The following ACTN2 variants were observed in gnomAD, a reference collection of about 807,000 sequenced individuals.
ACTN2 encodes the protein actinin alpha 2.
Under a neutral mutation model 113.8 loss-of-function variants are expected in ACTN2, and 39 were observed. The observed-to-expected ratio is 0.34, with a 90% CI of 0.27 to 0.45. The LOEUF (loss-of-function observed/expected upper bound fraction) is 0.45. Ranked by LOEUF, ACTN2 falls within the 20% of genes least tolerant of loss-of-function variation. The pLI is 1.00. For missense variants in ACTN2, 992 were observed against 1,177.9 expected (o/e 0.84, Z 2.31); for synonymous variants, 429 against 444.1 (o/e 0.97, Z 0.43).
chr1:236,758,838 C>A (rs1659625348), intron 18 of ACTN2, among the ~76,000 whole-genome samples: 1 of 152,086 alleles, frequency 6.6e-6, no homozygotes, highest in South Asian at 2.1e-4. Context: ...CCAGGCTGGT[C>A]TTGAACTCCT....
At chr1:236,704,134 C>A (rs542018477) in intron 1 of ACTN2, among the ~76,000 whole-genome samples, 8 of 152,246 alleles carry the variant, frequency 5.3e-5, no homozygotes, top group African/African-American at 1.9e-4. Flanking sequence ...TTAAGACAGT[C>A]GTTAGTTTCA....
intron 13 of ACTN2, among the ~76,000 whole-genome samples, chr1:236,748,347 T>C (rs1659297794): frequency 6.6e-6 from 1 of 152,102 alleles, no homozygotes; most frequent in African/African-American, 2.4e-5. Context: ...ATGATACTTT[T>C]GAGATAACCC....
intron 14 of ACTN2, among the ~76,000 whole-genome samples, chr1:236,750,523 T>A (rs1659364730): frequency 6.6e-6 from 1 of 152,192 alleles, no homozygotes; most frequent in African/African-American, 2.4e-5. Flanking sequence ...AGCTGACCTG[T>A]TGCTGCACCT....
intron 6 of ACTN2, 146 bp downstream of exon 6, chr1:236,727,902 C>G: frequency 1.3e-6 from 1 of 761,206 alleles, no homozygotes; most frequent in South Asian, 1.5e-5. Flanking sequence ...TCCCAGCTAG[C>G]CTTTCCCATG....
chr1:236,699,105 A>T (rs529108449), intron 1 of ACTN2, among the ~76,000 whole-genome samples: 1 of 152,318 alleles, frequency 6.6e-6, no homozygotes, highest in East Asian at 1.9e-4. Flanking sequence ...TTTCAGATCC[A>T]GGCTGCTTAA....
At position 236,686,543 on chromosome 1, in the gene ACTN2, C is replaced by T. The variant is rs1665871416; in HGVS notation, c.-131C>T. 2 of 1,126,846 alleles carry T rather than the reference C, an allele frequency of 1.8e-6. No homozygotes were observed. Among genetic ancestry groups the T allele is most frequent in the Non-Finnish European group, 2.3e-6 (2 of 875,936 alleles). The allele number at this position is 1,126,846 out of a possible 1,614,324, so 69.8% of individuals were successfully genotyped here. On this transcript the variant is annotated 5_prime_UTR_variant, in exon 1 of 21. Transcript: ENST00000366578. The stretch of plus-strand genomic sequence containing the variant: ...AGACCCAGCGCCCAGGCGTGTCGCC[C>T]CGAGAGGAGCCGCGCGAAGGTCACC...
At chr1:236,700,803 AG>A (rs1272339593) in intron 1 of ACTN2, among the ~76,000 whole-genome samples, 1 of 152,212 alleles carries the variant, frequency 6.6e-6, no homozygotes, top group Non-Finnish European at 1.5e-5. Flanking sequence ...CGTCTTGCCA[AG>A]ACTGCTTCCG....
At chr1:236,753,680 C>T (rs1659466237) in intron 15 of ACTN2, among the ~76,000 whole-genome samples, 1 of 152,130 alleles carries the variant, frequency 6.6e-6, no homozygotes, top group Non-Finnish European at 1.5e-5. Context: ...CTAATGCAGG[C>T]TCTTAAATAC....
At chr1:236,760,665 A>C (rs1572151596) in intron 19 of ACTN2, among the ~76,000 whole-genome samples, 1 of 152,232 alleles carries the variant, frequency 6.6e-6, no homozygotes, top group Non-Finnish European at 1.5e-5. Flanking sequence ...GTTTGGCAGC[A>C]TCGCTTTCCT....
chr1:236,760,743 C>T (rs116724500), intron 19 of ACTN2, among the ~76,000 whole-genome samples: 478 of 152,268 alleles, frequency 3.1e-3, no homozygotes, highest in Non-Finnish European at 5.5e-3. Flanking sequence ...GTCACGTGAC[C>T]CATCAAGGCC....
At chr1:236,725,287 G>T (rs1266773655) in intron 4 of ACTN2, among the ~76,000 whole-genome samples, 1 of 152,106 alleles carries the variant, frequency 6.6e-6, no homozygotes. Context: ...CCGAATAATA[G>T]GTGCCCCCAG....
At chr1:236,721,793 T>C (rs931193123) in intron 4 of ACTN2, among the ~76,000 whole-genome samples, 2 of 152,238 alleles carry the variant, frequency 1.3e-5, no homozygotes, top group African/African-American at 4.8e-5. Flanking sequence ...AAATCCTTTT[T>C]CCACAAATAT....
Position 236,742,939 on chromosome 1 carries a change from G to A in ACTN2, c.1151G>A (p.Gly384Asp). ...CAGAGGCTGGAGCAGGCTGAGAAGGGTTACGAGGAGTGGTTGCTCAATGAG... is the reference window on the plus strand; with the variant it reads ...CAGAGGCTGGAGCAGGCTGAGAAGGATTACGAGGAGTGGTTGCTCAATGAG... ...AWQRLEQAEKGYEEWLLNEIR... is the reference protein window; with the variant it reads ...AWQRLEQAEKDYEEWLLNEIR... The change falls in exon 11 of 21, where the codon GGT becomes GAT. Residue 384 changes from glycine to aspartate, a missense_variant. Around this residue, in one of 3 missense-constraint regions of ACTN2, gnomAD observed 736 missense variants for 815.4 expected, o/e 0.90. Transcript: ENST00000366578. The A allele has an allele frequency of 6.2e-7, 1 of 1,614,196 alleles. No homozygotes were observed.
chr1:236,728,674 C>T (rs1208342302), intron 6 of ACTN2, among the ~76,000 whole-genome samples: 2 of 151,924 alleles, frequency 1.3e-5, no homozygotes. Flanking sequence ...TGCAATTCTG[C>T]CTTTAAGGTA....
In ACTN2 at chr1:236,747,693, A is replaced by G. The variant is rs753244692; in HGVS notation, c.1433A>G (p.Asn478Ser). The G allele has an allele frequency of 2.5e-6, 4 of 1,614,162 alleles. No homozygotes were observed. Among genetic ancestry groups the G allele is most frequent in the Non-Finnish European group, 3.4e-6 (4 of 1,179,980 alleles). ...LNELDYHDAV[N>S]VNDRCQKICD... ...GAACTGGACTATCACGACGCTGTGAATGTCAATGATCGGTGCCAGAAAATT... is the reference window on the plus strand; with the variant it reads ...GAACTGGACTATCACGACGCTGTGAGTGTCAATGATCGGTGCCAGAAAATT... Residue 478 changes from asparagine to serine, a missense_variant, in exon 13 of 21, where the codon AAT (asparagine) becomes AGT (serine). Around this residue, in one of 3 missense-constraint regions of ACTN2, gnomAD observed 736 missense variants for 815.4 expected, o/e 0.90. Transcript: ENST00000366578.
chr1:236,742,828 C>T (rs930700884), intron 10 of ACTN2, 68 bp from the exon 11 acceptor site: 2 of 1,599,646 alleles, frequency 1.3e-6, no homozygotes, highest in Non-Finnish European at 8.6e-7. Flanking sequence ...TAGAAGAAGC[C>T]TGAGAGGCCA....
chr1:236,713,295 T>G (rs886973589), intron 1 of ACTN2, among the ~76,000 whole-genome samples: 1 of 152,058 alleles, frequency 6.6e-6, no homozygotes. Context: ...TGGCACGATC[T>G]TGGCTCACTG....
chr1:236,700,629 G>C (rs563267491), intron 1 of ACTN2, among the ~76,000 whole-genome samples: 1 of 152,132 alleles, frequency 6.6e-6, no homozygotes, highest in Non-Finnish European at 1.5e-5. Context: ...TTACTGCTTC[G>C]AGTGATAAGC....
intron 8 of ACTN2, 54 bp downstream of exon 8, chr1:236,735,774 T>C: frequency 6.9e-7 from 1 of 1,444,278 alleles, no homozygotes; most frequent in East Asian, 2.3e-5. Context: ...TGGTTTTAGT[T>C]GTGTGTGCAT....
Sources: allele counts gnomAD v4.1 joint callset (sites outside exome capture counted in the v4.1 genomes callset), GRCh38; gene constraint gnomAD v4.1.1; regional missense constraint gnomAD v4.1.1; transcripts MANE v1.5; gene names NCBI Gene and HGNC (gene_info 2026-07-23, HGNC 2026-07-21).